ERC2: variants seen among roughly 807,000 people sequenced by gnomAD.
The protein encoded by ERC2 is ERC protein 2.
In ERC2, 42 loss-of-function variants were observed where a neutral mutation model predicts 114.8. The ratio of observed to expected loss-of-function variants is 0.37; its 90% confidence interval spans 0.29 to 0.47. ERC2 has a LOEUF of 0.47. ERC2 is among the 20% of genes least tolerant of loss of function. ERC2 has a pLI of 0.99. For synonymous variants in ERC2, 454 were observed against 425.5 expected, an observed-to-expected ratio of 1.07 and a Z score of -0.82; for missense variants, 939 against 1,150.7, an observed-to-expected ratio of 0.82 and a Z score of 2.66.
intron 2 of ERC2, among the ~76,000 whole-genome samples, chr3:56,400,022 C>CA (rs562408516): frequency 0.028 from 3,864 of 139,514 alleles, 122 homozygotes; most frequent in African/African-American, 0.083. Context: ...AAGCAAATTT[C>CA]AAAAAAAAAA....
At chr3:55,707,561 T>A (rs2148846433) in intron 15 of ERC2, among the ~76,000 whole-genome samples, 1 of 152,270 alleles carries the variant, frequency 6.6e-6, no homozygotes, top group Non-Finnish European at 1.5e-5. Context: ...GTACAGCCCA[T>A]GAGGAAGGAT....
At position 55,727,776 on chromosome 3, in the gene ERC2, T is replaced by C. The variant is rs142064581; in HGVS notation, c.2712+6995A>G. 2.6e-3 allele frequency among the ~76,000 whole-genome samples: 389 copies of C among 152,276 alleles called. 2 individuals are homozygous for C. The highest frequency in any genetic ancestry group is 9.0e-3 in the African/African-American group (374 of 41,556). On this transcript the variant is annotated intron_variant, in intron 15 of 17. Coordinates refer to ENST00000288221, the MANE Select transcript of ERC2 (RefSeq NM_015576.3). ...TTCTGAGAACTCAGTGACATTTTAC[T>C]CAAAAAGAGCCCAAGAAATTGGAGG...
chr3:55,650,369 C>T (rs9847624), intron 17 of ERC2, among the ~76,000 whole-genome samples: 2 of 152,286 alleles, frequency 1.3e-5, no homozygotes, highest in Admixed American at 6.5e-5. Context: ...ATCTCTCCCC[C>T]CATCTCACTT....
chr3:56,436,219 C>T (rs971294228), intron 1 of ERC2, among the ~76,000 whole-genome samples: 3 of 152,212 alleles, frequency 2.0e-5, no homozygotes, highest in African/African-American at 7.2e-5. Flanking sequence ...CATGCTAATA[C>T]TAACCAGCTG....
At chr3:55,912,970 A>G (rs1248928027) in intron 13 of ERC2, among the ~76,000 whole-genome samples, 2 of 152,050 alleles carry the variant, frequency 1.3e-5, no homozygotes, top group Non-Finnish European at 1.5e-5. Flanking sequence ...ATACTGTTTT[A>G]TGGCTTTCTT....
chr3:56,233,838 C>G (rs62253585), intron 3 of ERC2, among the ~76,000 whole-genome samples: 1,840 of 152,264 alleles, frequency 0.012, 20 homozygotes, highest in Middle Eastern at 0.024. Flanking sequence ...TCACATCAAT[C>G]TGACCTCTGT....
chr3:55,644,619 C>T (rs1412856714), intron 17 of ERC2, among the ~76,000 whole-genome samples: 1 of 151,836 alleles, frequency 6.6e-6, no homozygotes, highest in Admixed American at 6.6e-5. Context: ...TTAATAGGTA[C>T]TTAAATGTAT....
chr3:56,155,059 C>G (rs1667586933), intron 4 of ERC2, among the ~76,000 whole-genome samples: 2 of 152,172 alleles, frequency 1.3e-5, no homozygotes, highest in Admixed American at 1.3e-4. Flanking sequence ...AGCTAAAACA[C>G]AGTAGTGCTC....
intron 1 of ERC2, among the ~76,000 whole-genome samples, chr3:56,446,144 C>T (rs533716800): frequency 4.6e-5 from 7 of 152,064 alleles, no homozygotes; most frequent in African/African-American, 9.7e-5. Context: ...CACAATGATC[C>T]GGGAACATTC....
At chr3:56,000,267 A>G (rs2071928357) in intron 10 of ERC2, among the ~76,000 whole-genome samples, 1 of 152,134 alleles carries the variant, frequency 6.6e-6, no homozygotes, top group Non-Finnish European at 1.5e-5. Flanking sequence ...AACATTTTAA[A>G]TATAGGTAAG....
At chr3:55,882,768 C>T (rs2063173296) in intron 14 of ERC2, among the ~76,000 whole-genome samples, 1 of 152,122 alleles carries the variant, frequency 6.6e-6, no homozygotes, top group African/African-American at 2.4e-5. Context: ...GCCCTAGAAC[C>T]AATCACCCAC....
intron 15 of ERC2, among the ~76,000 whole-genome samples, chr3:55,719,420 G>GA (rs2148879597): frequency 6.6e-6 from 1 of 152,306 alleles, no homozygotes; most frequent in African/African-American, 2.4e-5. Context: ...AGAAAACCTA[G>GA]TGATAGAACC....
chr3:56,442,377 G>A (rs777373738), intron 1 of ERC2, among the ~76,000 whole-genome samples: 13 of 151,880 alleles, frequency 8.6e-5, no homozygotes, highest in South Asian at 6.2e-4. Context: ...ACACCCCCTC[G>A]CCTGGCAAAT....
At position 56,446,516 on chromosome 3, in the gene ERC2, A is replaced by T. The variant is rs115308085; in HGVS notation, c.-140-11369T>A. Among the ~76,000 whole-genome samples, 1,419 of 151,532 alleles carry T rather than the reference A, an allele frequency of 9.4e-3. 10 individuals carry two copies. Among genetic ancestry groups the T allele is most frequent in the Non-Finnish European group, 0.016 (1,055 of 67,900 alleles). On this transcript the variant is annotated intron_variant, in intron 1 of 17. Coordinates refer to ENST00000288221, the MANE Select transcript of ERC2 (RefSeq NM_015576.3). ...GCTGAGACAAGGATGTGGGTGTAGG[A>T]GGTTCATTTATAAGGTATTCCCAGA...
intron 15 of ERC2, among the ~76,000 whole-genome samples, chr3:55,727,218 G>T (rs529250556): frequency 1.3e-5 from 2 of 152,230 alleles, no homozygotes; most frequent in African/African-American, 4.8e-5. Flanking sequence ...AGGAAAGGTG[G>T]TAATTTTCTT....
intron 13 of ERC2, among the ~76,000 whole-genome samples, chr3:55,915,416 C>T (rs574683751): frequency 3.3e-5 from 5 of 152,126 alleles, no homozygotes; most frequent in South Asian, 2.1e-4. Flanking sequence ...ATCAAACTCA[C>T]GAGAACCAAG....
chr3:56,048,203 C>G (rs148402095), intron 7 of ERC2, among the ~76,000 whole-genome samples: 12 of 152,322 alleles, frequency 7.9e-5, no homozygotes, highest in Non-Finnish European at 1.8e-4. Context: ...ACTCAGCCTT[C>G]TTTAAACTCA....
chr3:56,406,608 C>T (rs890317733), intron 2 of ERC2, among the ~76,000 whole-genome samples: 2 of 152,164 alleles, frequency 1.3e-5, no homozygotes, highest in African/African-American at 4.8e-5. Context: ...AACAAGGGCC[C>T]TGTATTTTCA....
intron 17 of ERC2, among the ~76,000 whole-genome samples, chr3:55,523,589 C>T (rs907403204): frequency 6.6e-6 from 1 of 152,216 alleles, no homozygotes; most frequent in Non-Finnish European, 1.5e-5. Context: ...CATATGCACT[C>T]CTGCTTCTGG....
Sources: gnomAD v4.1 joint callset for allele counts (sites outside exome capture counted in the v4.1 genomes callset) on GRCh38, gnomAD v4.1.1 for gene constraint, MANE v1.5 for transcripts, NCBI Gene and HGNC (gene_info 2026-07-23, HGNC 2026-07-21) for gene names.